COA1: variants seen among roughly 807,000 people sequenced by gnomAD.
COA1 encodes cytochrome c oxidase assembly factor 1.
In COA1, 13 loss-of-function variants were observed where a neutral mutation model predicts 16.0. The ratio of observed to expected loss-of-function variants is 0.81; its 90% CI spans 0.53 to 1.29. The LOEUF (loss-of-function observed/expected upper bound fraction) is 1.29. Ranked by LOEUF, COA1 falls within the 50% of genes most tolerant of loss-of-function variation. COA1 has a pLI of 0.00. For missense variants in COA1, 179 were observed against 177.0 expected, an observed-to-expected ratio of 1.01 and a Z score of -0.06; for synonymous variants, 65 against 65.7, an observed-to-expected ratio of 0.99 and a Z score of 0.05.
At position 43,623,809 on chromosome 7, in the gene COA1, A is replaced by C; in HGVS notation, c.*134-14314T>G. On this transcript the variant is annotated intron_variant and NMD_transcript_variant, in intron 6 of 6. Transcript: ENST00000415076. ...CTTAAACATCTCACAGATGAATTTA[A>C]GTTATTCTGAGGAAGAATTTGATGT... 6.2e-7 allele frequency: 1 copy of C among 1,605,880 alleles called. No homozygotes were observed. Among genetic ancestry groups the C allele is most frequent in the Non-Finnish European group, 8.5e-7 (1 of 1,177,700 alleles).
At chr7:43,699,901 G>T (rs2094654647) in intron 1 of COA1, among the ~76,000 whole-genome samples, 1 of 152,042 alleles carries the variant, frequency 6.6e-6, no homozygotes, top group African/African-American at 2.4e-5. Flanking sequence ...TTTTAGGTAT[G>T]ATTTTGGTTT....
At chr7:43,654,136 G>A (rs1400294115) in intron 1 of COA1, among the ~76,000 whole-genome samples, 3 of 152,012 alleles carry the variant, frequency 2.0e-5, no homozygotes, top group African/African-American at 4.8e-5. Flanking sequence ...GAAAGGGTTC[G>A]GCCCTTCACC....
intron 4 of COA1, among the ~76,000 whole-genome samples, chr7:43,644,827 G>GAGAGAGAGAC (rs2088763996): frequency 3.3e-5 from 5 of 150,588 alleles, no homozygotes; most frequent in Admixed American, 3.3e-4. Flanking sequence ...GAGAGAGAGA[G>GAGAGAGAGAC]AGAGAGACAG....
intron 2 of COA1, chr7:43,648,059 G>T: frequency 5.0e-6 from 1 of 199,048 alleles, no homozygotes; most frequent in South Asian, 1.1e-4. Flanking sequence ...ATGGGCTGGA[G>T]CTGTCACTGG....
At chr7:43,691,473 G>GAAAT (rs1207048324) in intron 1 of COA1, among the ~76,000 whole-genome samples, 1 of 131,508 alleles carries the variant, frequency 7.6e-6, no homozygotes, top group Non-Finnish European at 1.6e-5. Flanking sequence ...AAGAAAGAAA[G>GAAAT]AAAGAAATTA....
At chr7:43,705,627 G>A (rs974833635) in intron 1 of COA1, among the ~76,000 whole-genome samples, 1 of 152,294 alleles carries the variant, frequency 6.6e-6, no homozygotes, top group East Asian at 1.9e-4. Context: ...AAAGGCTAGA[G>A]CTGCCTAGAG....
intron 6 of COA1, among the ~76,000 whole-genome samples, chr7:43,617,334 C>T (rs1489799370): frequency 1.3e-5 from 2 of 152,212 alleles, no homozygotes; most frequent in African/African-American, 4.8e-5. Flanking sequence ...GTGGGCAAAA[C>T]AGATCCTAGC....
downstream of COA1, among the ~76,000 whole-genome samples, chr7:43,635,751 C>T (rs1004372781): frequency 1.2e-4 from 19 of 152,138 alleles, no homozygotes; most frequent in African/African-American, 3.9e-4. Context: ...TTTGCATCAA[C>T]CTTCATAAGG....
At chr7:43,643,541 T>C (rs1189019309) in intron 4 of COA1, among the ~76,000 whole-genome samples, 2 of 152,198 alleles carry the variant, frequency 1.3e-5, no homozygotes, top group Non-Finnish European at 2.9e-5. Flanking sequence ...GGATGTCCTC[T>C]CTCACGCAGT....
intron 1 of COA1, among the ~76,000 whole-genome samples, chr7:43,655,655 C>A (rs1305032743): frequency 6.6e-6 from 1 of 151,742 alleles, no homozygotes; most frequent in Non-Finnish European, 1.5e-5. Flanking sequence ...TTTTCCATCT[C>A]AAAAAAAATT....
At chr7:43,636,587 A>G (rs1017575406), downstream of COA1, among the ~76,000 whole-genome samples, 1 of 152,224 alleles carries the variant, frequency 6.6e-6, no homozygotes, top group African/African-American at 2.4e-5. Context: ...TGGTGGCCAG[A>G]GGACAGAAGG....
chr7:43,685,266 G>C (rs940796925), intron 1 of COA1, among the ~76,000 whole-genome samples: 2 of 151,942 alleles, frequency 1.3e-5, no homozygotes, highest in Non-Finnish European at 2.9e-5. Context: ...CATTGTAAAT[G>C]CTCTGGAAGA....
intron 1 of COA1, among the ~76,000 whole-genome samples, chr7:43,725,646 T>G (rs1297533825): frequency 6.6e-6 from 1 of 152,056 alleles, no homozygotes; most frequent in Non-Finnish European, 1.5e-5. Flanking sequence ...TCACCTGAGG[T>G]CAGGAGTTCC....
intron 1 of COA1, among the ~76,000 whole-genome samples, chr7:43,709,248 A>G (rs990883661): frequency 6.6e-6 from 1 of 151,750 alleles, no homozygotes; most frequent in Non-Finnish European, 1.5e-5. Flanking sequence ...GGATGGTCTC[A>G]ATCTCCTGAC....
chr7:43,712,861 A>G (rs1317005842), intron 1 of COA1, among the ~76,000 whole-genome samples: 2 of 151,048 alleles, frequency 1.3e-5, no homozygotes, highest in African/African-American at 4.9e-5. Context: ...TTCATTTTCT[A>G]GCTGGACTTT....
chr7:43,616,422 TATAAA>T (rs2083348400), intron 6 of COA1, among the ~76,000 whole-genome samples: 2 of 152,306 alleles, frequency 1.3e-5, no homozygotes, highest in South Asian at 4.1e-4. Flanking sequence ...ACCCAACAAA[TATAAA>T]TGTGTGGTAG....
chr7:43,725,458 A>T lies in COA1; in HGVS notation c.-39+3971T>A, dbSNP rs567332858. On this transcript the variant is annotated intron_variant, in intron 1 of 5. Coordinates refer to ENST00000223336, the MANE Select transcript of COA1 (RefSeq NM_018224.4). ...CTAACTGGAATCAAGCCAAGGGGAA[A>T]GAATGAAATCTTGGCCATTATATGT... Among the ~76,000 whole-genome samples, 9 of 152,374 alleles carry T rather than the reference A, an allele frequency of 5.9e-5. No individual in the cohort carries two copies. The South Asian group carries it at 1.4e-3, about 25-fold the overall frequency.
intron 1 of COA1, among the ~76,000 whole-genome samples, chr7:43,712,576 G>A (rs1272834332): frequency 6.6e-6 from 1 of 152,168 alleles, no homozygotes; most frequent in Non-Finnish European, 1.5e-5. Context: ...ATTTCCTAAT[G>A]ATGGGCCCCA....
At position 43,687,623 on chromosome 7, in the gene COA1, A is replaced by G. The variant is rs563373951; in HGVS notation, c.-38-38971T>C. Among the ~76,000 whole-genome samples, 116 of 152,354 alleles carry G rather than the reference A, an allele frequency of 7.6e-4. 4 individuals are homozygous for G. In the South Asian group the frequency reaches 0.023, roughly 31 times the overall value. ...CATGTATTTGACAAAAATTGACATT[A>G]AAGTTCAAAACACATGATAAAAGTT... On this transcript the variant is annotated intron_variant, in intron 1 of 5. Coordinates refer to ENST00000223336, the MANE Select transcript of COA1 (RefSeq NM_018224.4).
Sources: gnomAD v4.1 joint callset for allele counts (sites outside exome capture counted in the v4.1 genomes callset) on GRCh38, gnomAD v4.1.1 for gene constraint, MANE v1.5 for transcripts, NCBI Gene and HGNC (gene_info 2026-07-23, HGNC 2026-07-21) for gene names.